The following COL4A4 variants were observed in gnomAD, a reference collection of about 807,000 sequenced individuals.
The protein encoded by COL4A4 is collagen type IV alpha 4 chain.
A neutral mutation model predicts 192.9 loss-of-function variants in COL4A4; 105 were observed. The ratio of observed to expected loss-of-function variants is 0.54; its 90% CI spans 0.46 to 0.64. The LOEUF (loss-of-function observed/expected upper bound fraction) is 0.64, where lower values mean the gene tolerates loss of function less well. Among genes scored for constraint, COL4A4 ranks in the 30% least tolerant of loss-of-function variants. The probability of loss-of-function intolerance (pLI) is 0.00; values close to 1 mark genes in which losing one functional copy is unlikely to be tolerated. For synonymous variants in COL4A4, 762 were observed against 769.9 expected (o/e 0.99, Z 0.17); for missense variants, 1,967 against 2,169.3 (o/e 0.91, Z 1.85).
chr2:226,990,346 A>C, the COL4A4 span, among the ~76,000 whole-genome samples: 1 of 152,204 alleles, frequency 6.6e-6, no homozygotes, highest in South Asian at 2.1e-4. Context: ...CCCTCATCTG[A>C]CAATAGAAAT....
At chr2:226,989,947 C>T in the COL4A4 span, among the ~76,000 whole-genome samples, 2 of 152,214 alleles carry the variant, frequency 1.3e-5, no homozygotes, top group African/African-American at 4.8e-5. Flanking sequence ...GGAATCTCCA[C>T]TGTTGCAGTC....
chr2:227,109,825 A>G (rs984326809), intron 9 of COL4A4, among the ~76,000 whole-genome samples: 1 of 152,094 alleles, frequency 6.6e-6, no homozygotes, highest in Non-Finnish European at 1.5e-5. Flanking sequence ...GGGTCCAGTT[A>G]AGACCCAGAG....
chr2:227,017,588 G>A (rs115937174), intron 44 of COL4A4, among the ~76,000 whole-genome samples: 1,935 of 152,242 alleles, frequency 0.013, 22 homozygotes, highest in African/African-American at 0.045. Flanking sequence ...TTTGAGGGCC[G>A]CCCTGGAAGG....
At chr2:227,001,093 C>CT (rs776966537), downstream of COL4A4, among the ~76,000 whole-genome samples, 35 of 150,078 alleles carry the variant, frequency 2.3e-4, 1 homozygote, top group Non-Finnish European at 4.7e-4. Context: ...CATTTCTTTT[C>CT]TTTTTTCTTT....
intron 4 of COL4A4, among the ~76,000 whole-genome samples, chr2:227,127,106 G>A (rs1313731022): frequency 1.3e-5 from 2 of 152,214 alleles, no homozygotes; most frequent in Non-Finnish European, 2.9e-5. Flanking sequence ...CTGTGCCAGA[G>A]TCAGTCTAGC....
At chr2:227,130,922 A>C (rs1463246088) in intron 4 of COL4A4, among the ~76,000 whole-genome samples, 1 of 150,734 alleles carries the variant, frequency 6.6e-6, no homozygotes, top group South Asian at 2.1e-4. Context: ...CCTCCCATCC[A>C]CTTCCCTACC....
Position 227,094,277 on chromosome 2 carries a change from G to C in COL4A4, c.1217C>G (p.Pro406Arg), listed in dbSNP as rs549802744. The C allele has an allele frequency of 8.1e-6, 13 of 1,613,480 alleles. No individual in the cohort carries two copies. The highest frequency in any genetic ancestry group is 1.1e-5 in the Non-Finnish European group (13 of 1,179,862). Residue 406 changes from proline (P) to arginine (R), a missense_variant, in exon 20 of 48, where the codon CCC becomes CGC. By Grantham distance (103) the Pro-to-Arg change is moderately radical (BLOSUM62 -2). Transcript: ENST00000396625. Reference sequence around the variant, plus strand: ...ACCAGGAAATCCTTGTGGCCCAGGGGGTCCTATCATGCCTGCAAGATAAAT... The same window carrying C: ...ACCAGGAAATCCTTGTGGCCCAGGGCGTCCTATCATGCCTGCAAGATAAAT... ...PGEACAGMIG[P>R]PGPQGFPGLP... is the part of the protein sequence containing the mutation.
intron 28 of COL4A4, among the ~76,000 whole-genome samples, chr2:227,058,383 A>C (rs184182653): frequency 3.8e-4 from 58 of 152,192 alleles, no homozygotes; most frequent in African/African-American, 1.2e-3. Flanking sequence ...CTTCCCTTAG[A>C]TATATTTTCA....
chr2:227,027,394 G>A (rs1226882035), intron 42 of COL4A4, among the ~76,000 whole-genome samples: 4 of 147,870 alleles, frequency 2.7e-5, no homozygotes, highest in East Asian at 2.0e-4. Flanking sequence ...ACCAAACACC[G>A]CATGTTCTCA....
At chr2:227,010,846 G>GAAATAAA (rs1963532512) in intron 45 of COL4A4, among the ~76,000 whole-genome samples, 1 of 152,196 alleles carries the variant, frequency 6.6e-6, no homozygotes, top group Non-Finnish European at 1.5e-5. Context: ...TATGAAATAC[G>GAAATAAA]CTGGGAAGAA....
chr2:227,048,773 G>C (rs1002866632), intron 34 of COL4A4, among the ~76,000 whole-genome samples: 6 of 152,168 alleles, frequency 3.9e-5, no homozygotes, highest in Non-Finnish European at 5.9e-5. Context: ...GAATGGTAAA[G>C]AGACTAATAA....
chr2:227,060,363 T>A, intron 26 of COL4A4, 120 bp from the exon 27 acceptor site: 1 of 714,728 alleles, frequency 1.4e-6, no homozygotes, highest in Non-Finnish European at 2.4e-6. Flanking sequence ...TTTATGGAAG[T>A]AAGGATGTTG....
intron 12 of COL4A4, among the ~76,000 whole-genome samples, chr2:227,107,158 T>A (rs1422466518): frequency 6.6e-6 from 1 of 152,210 alleles, no homozygotes; most frequent in African/African-American, 2.4e-5. Context: ...CAGTCATTTC[T>A]ACAAGCCAGA....
rs1009318283 is a variant in COL4A4, at chr2:227,140,970, T to C, written c.115-732A>G. ...TGTTCTCATGAATCCTAATCACCTA[T>C]ATCCAGAGTCATCATCCACTTCCAT... On this transcript the variant is annotated intron_variant, in intron 3 of 47. Transcript: ENST00000396625. 6.6e-5 allele frequency among the ~76,000 whole-genome samples: 10 copies of C among 151,882 alleles called. 1 individual carries two copies. The highest frequency in any genetic ancestry group is 2.6e-4 in the Admixed American group (4 of 15,246).
intron 17 of COL4A4, among the ~76,000 whole-genome samples, chr2:227,100,808 CTTT>C (rs113276669): frequency 2.1e-5 from 3 of 142,214 alleles, no homozygotes; most frequent in African/African-American, 2.6e-5. Context: ...CTGCGCTATT[CTTT>C]TTTTTTTTTT....
At chr2:226,990,421 A>G in the COL4A4 span, among the ~76,000 whole-genome samples, 1 of 152,226 alleles carries the variant, frequency 6.6e-6, no homozygotes, top group African/African-American at 2.4e-5. Context: ...TTGCCTCTTT[A>G]GCTCCCTAAT....
rs1310236431 is a variant in COL4A4 at position 227,030,569 on chromosome 2, T to G, written c.3847A>C (p.Ser1283Arg). The G allele has an allele frequency of 1.8e-5, 29 of 1,611,462 alleles. No individual in the cohort carries two copies. The highest frequency in any genetic ancestry group is 2.4e-5 in the Non-Finnish European group (28 of 1,178,956). Residue 1283 changes from serine to arginine, a missense_variant, in exon 41 of 48, where the codon AGT (serine) becomes CGT (arginine). Transcript: ENST00000396625. ...GGCTCCCCTCTCAGAAGGTCAACAC[T>G]CCCAGGGAGGCCTGGAGGCCCAGGT... ...GAPGPPGLPG[S>R]VDLLRGEPGD...
chr2:227,002,270 CCTAA>C (rs758027451), downstream of COL4A4, among the ~76,000 whole-genome samples: 75 of 151,888 alleles, frequency 4.9e-4, no homozygotes, highest in Non-Finnish European at 8.4e-4. Context: ...GTAATCAATA[CCTAA>C]CTAACTCCTG....
At chr2:227,025,126 C>T (rs1363343964) in intron 43 of COL4A4, among the ~76,000 whole-genome samples, 1 of 152,126 alleles carries the variant, frequency 6.6e-6, no homozygotes, top group Non-Finnish European at 1.5e-5. Context: ...TTCTAAAGAC[C>T]TTAAAAATAA....
Sources: allele counts gnomAD v4.1 joint callset (sites outside exome capture counted in the v4.1 genomes callset), GRCh38; gene constraint gnomAD v4.1.1; transcripts MANE v1.5; gene names NCBI Gene and HGNC (gene_info 2026-07-23, HGNC 2026-07-21).